The following NTRK2 variants were observed in gnomAD, a reference collection of about 807,000 sequenced individuals.
NTRK2 encodes BDNF/NT-3 growth factors receptor.
Under a neutral mutation model 94.5 loss-of-function variants are expected in NTRK2, and 13 were observed. The ratio of observed to expected loss-of-function variants is 0.14; its 90% CI spans 0.09 to 0.22. The LOEUF is 0.22. Among genes scored for constraint, NTRK2 ranks in the 10% least tolerant of loss-of-function variants. NTRK2 has a pLI of 1.00. For missense variants in NTRK2, 639 were observed against 1,071.2 expected (o/e 0.60, Z 5.63); for synonymous variants, 372 against 407.4 (o/e 0.91, Z 1.05).
rs145309276 is a variant in NTRK2 at position 84,778,466 on chromosome 9, G to A, written c.1396+26381G>A. On this transcript the variant is annotated intron_variant, in intron 12 of 18. Transcript: ENST00000277120. ...ACCAGTGATGATTCCTTATACTTGG[G>A]TTATATGTAGAACCGTAGTGAATTA... Among the ~76,000 whole-genome samples the A allele has an allele frequency of 1.7e-4, 26 of 152,294 alleles. No homozygotes were observed. In the East Asian group the frequency reaches 3.7e-3, roughly 22 times the overall value.
In NTRK2 at chr9:84,932,557, A is replaced by C. The variant is rs1183838155; in HGVS notation, c.1634-1605A>C. ...TATGGTTTATATTTTCGTATAATGC[A>C]GTTCACAATCAATTAAAAAAACATT... is the stretch of plus-strand genomic sequence containing the variant. On this transcript the variant is annotated intron_variant, in intron 14 of 18. Transcript: ENST00000277120. Among the ~76,000 whole-genome samples, 7 of 152,192 alleles carry C rather than the reference A, an allele frequency of 4.6e-5. No homozygotes were observed. The East Asian group carries it at 7.7e-4, about 17-fold the overall frequency.
At chr9:84,991,825 C>T (rs1829111450) in intron 17 of NTRK2, among the ~76,000 whole-genome samples, 4 of 152,136 alleles carry the variant, frequency 2.6e-5, no homozygotes, top group Admixed American at 2.6e-4. Context: ...TAGATCCCTG[C>T]TGGTCGAGAT....
In NTRK2 at chr9:84,934,192, T is replaced by C; in HGVS notation, c.1664T>C (p.Val555Ala). The change falls in exon 15 of 19, where the codon GTT becomes GCT. Residue 555 changes from valine (V) to alanine (A), a missense_variant. By Grantham distance (64) the Val-to-Ala change is moderately conservative. Around this residue, in one of 5 missense-constraint regions of NTRK2, gnomAD observed 343 missense variants for 571.5 expected, o/e 0.60. Transcript: ENST00000277120. ...CAGCACATCAAGCGACATAACATTG[T>C]TCTGAAAAGGGAGCTAGGCGAAGGA... ...FVQHIKRHNI[V>A]LKRELGEGAF... 1 of 1,614,050 alleles carries C rather than the reference T, an allele frequency of 6.2e-7. No homozygotes were observed. The highest frequency in any genetic ancestry group is 8.5e-7 in the Non-Finnish European group (1 of 1,179,944).
intron 14 of NTRK2, among the ~76,000 whole-genome samples, chr9:84,891,220 C>T (rs1445066589): frequency 1.3e-5 from 2 of 151,794 alleles, no homozygotes; most frequent in Non-Finnish European, 2.9e-5. Context: ...ATGGAGGACT[C>T]AAGATGGTCA....
At chr9:84,792,519 C>A (rs1356941923) in intron 12 of NTRK2, among the ~76,000 whole-genome samples, 1 of 152,116 alleles carries the variant, frequency 6.6e-6, no homozygotes, top group East Asian at 1.9e-4. Flanking sequence ...TACTTTTGTC[C>A]TTGTACAATA....
chr9:84,915,932 A>C (rs956640832), intron 14 of NTRK2, among the ~76,000 whole-genome samples: 45 of 152,110 alleles, frequency 3.0e-4, no homozygotes, highest in Non-Finnish European at 6.6e-4. Context: ...AGAGATGATT[A>C]TGAAGGAGGC....
intron 12 of NTRK2, among the ~76,000 whole-genome samples, chr9:84,757,194 T>C (rs1272549697): frequency 6.6e-6 from 1 of 152,180 alleles, no homozygotes; most frequent in Non-Finnish European, 1.5e-5. Flanking sequence ...AAAATTAGAA[T>C]GGTAACAATT....
intron 6 of NTRK2, among the ~76,000 whole-genome samples, chr9:84,715,970 T>C (rs772443310): frequency 8.5e-5 from 13 of 152,194 alleles, no homozygotes; most frequent in Non-Finnish European, 1.6e-4. Flanking sequence ...CAAGTGTTAA[T>C]AGTACATGAA....
At chr9:84,917,490 T>C (rs73651149) in intron 14 of NTRK2, among the ~76,000 whole-genome samples, 5,654 of 152,184 alleles carry the variant, frequency 0.037, 299 homozygotes, top group African/African-American at 0.11. Flanking sequence ...GGAGATGCTT[T>C]GAGGTGCTGA....
chr9:84,841,781 C>A (rs145957233), intron 12 of NTRK2, among the ~76,000 whole-genome samples: 2 of 152,156 alleles, frequency 1.3e-5, no homozygotes, highest in African/African-American at 2.4e-5. Context: ...CTGTCTGCCC[C>A]CACAAAATAT....
At chr9:85,020,506 C>T (rs1354773036) in intron 18 of NTRK2, 142 bp downstream of exon 18, 2 of 831,988 alleles carry the variant, frequency 2.4e-6, no homozygotes, top group Admixed American at 2.0e-5. Flanking sequence ...CCCAAGTAGC[C>T]TGCTATGTTT....
In NTRK2 at chr9:84,907,229, G is replaced by A. The variant is rs1159220132; in HGVS notation, c.1634-26933G>A. On this transcript the variant is annotated intron_variant, in intron 14 of 18. Coordinates refer to ENST00000277120, the MANE Select transcript of NTRK2 (RefSeq NM_006180.6). The stretch of plus-strand genomic sequence containing the variant: ...CCTGGCAGGACTGCTTCTAATGCAG[G>A]TTTCTACTAGATCATGATATATGAA... Among the ~76,000 whole-genome samples the A allele has an allele frequency of 2.6e-5, 4 of 152,226 alleles. No homozygotes were observed. In the East Asian group the frequency reaches 7.7e-4, roughly 29 times the overall value.
At chr9:84,992,445 C>T (rs1322258113) in intron 17 of NTRK2, among the ~76,000 whole-genome samples, 1 of 151,978 alleles carries the variant, frequency 6.6e-6, no homozygotes, top group Admixed American at 6.6e-5. Context: ...CCCCTTGTAG[C>T]CTCTGATACC....
At chr9:85,014,559 C>T (rs1290615529) in intron 17 of NTRK2, among the ~76,000 whole-genome samples, 1 of 152,140 alleles carries the variant, frequency 6.6e-6, no homozygotes, top group Non-Finnish European at 1.5e-5. Flanking sequence ...ATAAATTGTT[C>T]GTTAGCCACA....
chr9:85,006,300 G>A (rs1830946820), intron 17 of NTRK2, among the ~76,000 whole-genome samples: 1 of 152,188 alleles, frequency 6.6e-6, no homozygotes. Flanking sequence ...TAGTGGTAGG[G>A]GTGGGAGTGA....
chr9:84,889,708 C>T (rs544306783), intron 14 of NTRK2, among the ~76,000 whole-genome samples: 27 of 152,306 alleles, frequency 1.8e-4, no homozygotes, highest in East Asian at 7.7e-4. Flanking sequence ...CCACTGTGCC[C>T]GGCCAATATT....
intron 12 of NTRK2, among the ~76,000 whole-genome samples, chr9:84,832,545 G>A (rs755599298): frequency 2.6e-5 from 4 of 152,190 alleles, no homozygotes; most frequent in Non-Finnish European, 1.5e-5. Flanking sequence ...GTGTCAGGGC[G>A]AGGGAGGTGT....
chr9:84,699,193 C>T (rs1039904555), intron 2 of NTRK2, among the ~76,000 whole-genome samples: 9 of 152,040 alleles, frequency 5.9e-5, no homozygotes, highest in Non-Finnish European at 8.8e-5. Context: ...CCCGCCACCA[C>T]GCCTGGCTAA....
chr9:84,867,154 T>C, intron 13 of NTRK2, 89 bp from the exon 14 acceptor site: 2 of 1,264,326 alleles, frequency 1.6e-6, no homozygotes, highest in Non-Finnish European at 2.3e-6. Flanking sequence ...CTGAATTGTA[T>C]ACTTTAAATG....
Sources: gnomAD v4.1 joint callset for allele counts (sites outside exome capture counted in the v4.1 genomes callset) on GRCh38, gnomAD v4.1.1 for gene constraint, gnomAD v4.1.1 regional missense constraint, MANE v1.5 for transcripts, NCBI Gene and HGNC (gene_info 2026-07-23, HGNC 2026-07-21) for gene names.